Variants in CDH3 observed in about 807,000 individuals in gnomAD.
CDH3 encodes cadherin-3.
Under a neutral mutation model 82.0 loss-of-function variants are expected in CDH3, and 54 were observed. The observed-to-expected ratio is 0.66, with a 90% CI of 0.53 to 0.83. The LOEUF (loss-of-function observed/expected upper bound fraction) is 0.83. Among genes scored for constraint, CDH3 ranks in the 40% least tolerant of loss-of-function variants. CDH3 has a pLI of 0.00. For synonymous variants in CDH3, 446 were observed against 437.9 expected, an observed-to-expected ratio of 1.02 and a Z score of -0.23; for missense variants, 1,054 against 1,084.6, an observed-to-expected ratio of 0.97 and a Z score of 0.40.
At chr16:68,657,981 G>A (rs1597793812) in intron 2 of CDH3, among the ~76,000 whole-genome samples, 1 of 152,014 alleles carries the variant, frequency 6.6e-6, no homozygotes, top group South Asian at 2.1e-4. Context: ...GCCTAAGAGT[G>A]CATGCGCATC....
chr16:68,661,938 G>A (rs914857128), intron 2 of CDH3, among the ~76,000 whole-genome samples: 5 of 152,192 alleles, frequency 3.3e-5, no homozygotes, highest in African/African-American at 1.2e-4. Context: ...TGATCTGCCC[G>A]TCTCAGCCTC....
intron 1 of CDH3, among the ~76,000 whole-genome samples, chr16:68,706,518 G>A (rs1961965827): frequency 6.9e-6 from 1 of 145,420 alleles, no homozygotes; most frequent in Non-Finnish European, 1.5e-5. Flanking sequence ...GAGGGACAAA[G>A]ATGCTGGTTC....
chr16:68,703,189 G>A (rs1392228426), downstream of CDH3, among the ~76,000 whole-genome samples: 2 of 152,186 alleles, frequency 1.3e-5, no homozygotes, highest in African/African-American at 4.8e-5. Context: ...TGTCCCCACA[G>A]TGCGCTTTCC....
chr16:68,685,153 C>T (rs1961369345), intron 10 of CDH3, 52 bp from the exon 11 acceptor site: 4 of 1,601,296 alleles, frequency 2.5e-6, no homozygotes, highest in South Asian at 1.1e-5. Flanking sequence ...TGAATGATGA[C>T]ATCAGAATTC....
chr16:68,731,020 C>CAAAAAAA (rs1168041237), downstream of CDH3, among the ~76,000 whole-genome samples: 1 of 34,904 alleles, frequency 2.9e-5, no homozygotes, highest in Non-Finnish European at 4.2e-5. Context: ...AACTCCGTCT[C>CAAAAAAA]AAAAAAAAAA....
At chr16:68,694,630 A>C (rs1287872604) in intron 13 of CDH3, among the ~76,000 whole-genome samples, 1 of 152,026 alleles carries the variant, frequency 6.6e-6, no homozygotes, top group Admixed American at 6.6e-5. Flanking sequence ...CTCAAAAAAA[A>C]AAAAAAAAAA....
At chr16:68,660,846 C>G (rs1333913194) in intron 2 of CDH3, among the ~76,000 whole-genome samples, 2 of 151,910 alleles carry the variant, frequency 1.3e-5, no homozygotes, top group African/African-American at 2.4e-5. Flanking sequence ...GTAGTCCCAG[C>G]TATTTGGGAG....
At chr16:68,678,065 T>A in intron 3 of CDH3, 69 bp from the exon 4 acceptor site, 1 of 1,419,850 alleles carries the variant, frequency 7.0e-7, no homozygotes, top group Non-Finnish European at 1.0e-6. Flanking sequence ...TTAACTCTTA[T>A]AGGTGAGAGG....
At chr16:68,675,255 C>T (rs1033207808) in intron 2 of CDH3, among the ~76,000 whole-genome samples, 3 of 152,060 alleles carry the variant, frequency 2.0e-5, no homozygotes, top group Non-Finnish European at 4.4e-5. Flanking sequence ...CAGTTTGTGC[C>T]CTCGCCTGAC....
intron 2 of CDH3, among the ~76,000 whole-genome samples, chr16:68,725,386 T>G (rs1431306130): frequency 2.0e-5 from 3 of 151,730 alleles, no homozygotes; most frequent in Non-Finnish European, 4.4e-5. Flanking sequence ...CAGGCTGGAG[T>G]GCAGTGGCCC....
chr16:68,691,654 T>C, intron 12 of CDH3, 66 bp from the exon 13 acceptor site: 1 of 1,273,624 alleles, frequency 7.9e-7, no homozygotes, highest in Non-Finnish European at 1.1e-6. Flanking sequence ...TCAAACTTTC[T>C]TCATGGTGTA....
intron 12 of CDH3, among the ~76,000 whole-genome samples, chr16:68,688,318 A>G (rs1961473671): frequency 6.6e-6 from 1 of 151,978 alleles, no homozygotes; most frequent in South Asian, 2.1e-4. Flanking sequence ...GGCCACACGC[A>G]GTGGCTTACA....
chr16:68,694,553 C>T (rs1447459344), intron 13 of CDH3, among the ~76,000 whole-genome samples: 3 of 148,982 alleles, frequency 2.0e-5, no homozygotes, highest in South Asian at 2.1e-4. Context: ...ACCTGGGAGG[C>T]GGAGGTTGCA....
chr16:68,724,384 C>T (rs1467853742), intron 2 of CDH3, among the ~76,000 whole-genome samples: 1 of 151,890 alleles, frequency 6.6e-6, no homozygotes, highest in Non-Finnish European at 1.5e-5. Context: ...TTTGGGAGGC[C>T]AAGGAAGGAG....
At chr16:68,733,564 G>A in the CDH3 span, among the ~76,000 whole-genome samples, 20 of 152,262 alleles carry the variant, frequency 1.3e-4, no homozygotes, top group East Asian at 3.9e-4. Context: ...CCAACATGGC[G>A]AAATCCCGTC....
intron 2 of CDH3, among the ~76,000 whole-genome samples, chr16:68,672,719 T>G (rs758172558): frequency 6.6e-6 from 1 of 152,192 alleles, no homozygotes; most frequent in Non-Finnish European, 1.5e-5. Context: ...CTAAGCGATC[T>G]TCTCTTTCTT....
chr16:68,653,753 G>A (rs1015211888), intron 2 of CDH3, among the ~76,000 whole-genome samples: 8 of 146,984 alleles, frequency 5.4e-5, no homozygotes, highest in African/African-American at 1.0e-4. Flanking sequence ...GCAGTGGCCT[G>A]ATCTCGGCTC....
chr16:68,687,825 C>T (rs897129676), intron 12 of CDH3, 89 bp downstream of exon 12: 3 of 901,720 alleles, frequency 3.3e-6, no homozygotes, highest in Non-Finnish European at 5.5e-6. Context: ...CGTTCCTATC[C>T]TAGCATCTTG....
intron 2 of CDH3, among the ~76,000 whole-genome samples, chr16:68,724,104 C>T (rs1199146729): frequency 4.9e-5 from 7 of 142,994 alleles, no homozygotes; most frequent in African/African-American, 1.8e-4. Flanking sequence ...GGTGTGGTGG[C>T]GCACACCGTA....
Sources: allele counts gnomAD v4.1 joint callset (sites outside exome capture counted in the v4.1 genomes callset), GRCh38; gene constraint gnomAD v4.1.1; transcripts MANE v1.5; gene names NCBI Gene and HGNC (gene_info 2026-07-23, HGNC 2026-07-21).